The following CALD1 variants were observed in gnomAD, a reference collection of about 807,000 sequenced individuals.
CALD1 encodes caldesmon 1.
A neutral mutation model predicts 99.9 loss-of-function variants in CALD1; 33 were observed. That is an observed-to-expected ratio of 0.33 (90% CI 0.25 to 0.44). CALD1 has a LOEUF of 0.44. Ranked by LOEUF, CALD1 falls within the 20% of genes least tolerant of loss-of-function variation. CALD1 has a pLI of 1.00. For missense variants in CALD1, 861 were observed against 962.1 expected, an observed-to-expected ratio of 0.89 and a Z score of 1.39; for synonymous variants, 310 against 325.0, an observed-to-expected ratio of 0.95 and a Z score of 0.50.
chr7:134,792,404 C>T (rs1454148685), intron 1 of CALD1, among the ~76,000 whole-genome samples: 1 of 151,758 alleles, frequency 6.6e-6, no homozygotes, highest in East Asian at 1.9e-4. Flanking sequence ...ATTCTCCTGC[C>T]TTGGCCTCCC....
intron 1 of CALD1, among the ~76,000 whole-genome samples, chr7:134,797,896 T>C (rs1050191549): frequency 1.3e-5 from 2 of 152,170 alleles, no homozygotes; most frequent in Non-Finnish European, 2.9e-5. Flanking sequence ...CTGGCCAAAT[T>C]GTTTATTTGT....
At chr7:134,967,349 A>G (rs1022073634) in intron 14 of CALD1, among the ~76,000 whole-genome samples, 12 of 152,200 alleles carry the variant, frequency 7.9e-5, no homozygotes, top group African/African-American at 2.4e-4. Context: ...CTTTTGCTCC[A>G]AACTGTCAAA....
rs753308126 is a variant in CALD1, at chr7:134,941,149, A to G, written c.1444A>G (p.Met482Val). 34 of 1,612,942 alleles carry G rather than the reference A, an allele frequency of 2.1e-5. No homozygotes were observed. Among genetic ancestry groups the G allele is most frequent in the Non-Finnish European group, 2.7e-5 (32 of 1,179,322 alleles). ...KEPKEEVKSF[M>V]DRKKGFTEVK... Reference sequence around the variant, plus strand: ...ACCCAAAGAAGAAGTTAAGAGCTTCATGGATCGAAAGAAGGGATTTACAGA... The same window carrying G: ...ACCCAAAGAAGAAGTTAAGAGCTTCGTGGATCGAAAGAAGGGATTTACAGA... Residue 482 changes from methionine to valine, a missense_variant, in exon 7 of 15, where the codon ATG becomes GTG. Transcript: ENST00000361675.
intron 1 of CALD1, among the ~76,000 whole-genome samples, chr7:134,827,744 A>C (rs1799061034): frequency 6.6e-6 from 1 of 152,204 alleles, no homozygotes; most frequent in South Asian, 2.1e-4. Context: ...GGGGAAGGTG[A>C]TGGAGGGTCC....
chr7:134,823,489 G>A (rs1050121011), intron 1 of CALD1, among the ~76,000 whole-genome samples: 3 of 152,096 alleles, frequency 2.0e-5, no homozygotes, highest in Admixed American at 6.6e-5. Flanking sequence ...GCCTTTGTGT[G>A]TTCTTTTCCC....
chr7:134,959,087 T>C (rs1270617117), intron 11 of CALD1, among the ~76,000 whole-genome samples: 1 of 151,740 alleles, frequency 6.6e-6, no homozygotes, highest in South Asian at 2.1e-4. Flanking sequence ...GTGAAATAAA[T>C]ACTTGTATAA....
chr7:134,797,569 G>A (rs145909909), intron 1 of CALD1, among the ~76,000 whole-genome samples: 9 of 152,290 alleles, frequency 5.9e-5, no homozygotes, highest in African/African-American at 2.2e-4. Flanking sequence ...AGGCTTGAAC[G>A]AGCAATCATG....
At chr7:134,762,014 T>C (rs1796782811) in intron 1 of CALD1, among the ~76,000 whole-genome samples, 1 of 152,184 alleles carries the variant, frequency 6.6e-6, no homozygotes, top group South Asian at 2.1e-4. Context: ...GGAAGAAATA[T>C]GTACAGAGGC....
At chr7:134,818,801 G>A (rs1466500150) in intron 1 of CALD1, among the ~76,000 whole-genome samples, 2 of 152,168 alleles carry the variant, frequency 1.3e-5, no homozygotes, top group Non-Finnish European at 2.9e-5. Context: ...AGCTCCGAGA[G>A]GCAGCTGGAC....
At chr7:134,909,106 C>T (rs925592258) in intron 3 of CALD1, among the ~76,000 whole-genome samples, 1 of 152,162 alleles carries the variant, frequency 6.6e-6, no homozygotes, top group African/African-American at 2.4e-5. Flanking sequence ...TTAGTTAATA[C>T]ATGCCTCTTA....
chr7:134,936,341 T>C (rs1805971374), intron 6 of CALD1, among the ~76,000 whole-genome samples: 1 of 152,188 alleles, frequency 6.6e-6, no homozygotes, highest in Non-Finnish European at 1.5e-5. Context: ...TATTTGACTG[T>C]AGGTAAGTGA....
chr7:134,926,058 C>T (rs185598789), intron 3 of CALD1, among the ~76,000 whole-genome samples: 2 of 152,282 alleles, frequency 1.3e-5, no homozygotes, highest in African/African-American at 2.4e-5. Flanking sequence ...ACTTCAACTA[C>T]AATGTGATTG....
At chr7:134,857,426 G>A (rs1238203679) in intron 2 of CALD1, among the ~76,000 whole-genome samples, 1 of 151,836 alleles carries the variant, frequency 6.6e-6, no homozygotes, top group African/African-American at 2.4e-5. Context: ...CAAAGTGCTG[G>A]GATTACAAGC....
the CALD1 span, among the ~76,000 whole-genome samples, chr7:134,715,912 C>T: frequency 1.3e-5 from 2 of 152,038 alleles, no homozygotes; most frequent in African/African-American, 2.4e-5. Context: ...TAAAAATTTG[C>T]AAAATAGTTT....
intron 1 of CALD1, among the ~76,000 whole-genome samples, chr7:134,792,574 G>A (rs1797582378): frequency 6.6e-6 from 1 of 152,286 alleles, no homozygotes; most frequent in Non-Finnish European, 1.5e-5. Flanking sequence ...TTACAGGAGT[G>A]AGCCACTGAG....
chr7:134,714,877 C>A, the CALD1 span, among the ~76,000 whole-genome samples: 1 of 152,076 alleles, frequency 6.6e-6, no homozygotes, highest in African/African-American at 2.4e-5. Context: ...GCAGCTAGGG[C>A]AAGTACAGGT....
At chr7:134,819,917 GT>G (rs536730851) in intron 1 of CALD1, among the ~76,000 whole-genome samples, 255 of 152,076 alleles carry the variant, frequency 1.7e-3, no homozygotes, top group African/African-American at 5.9e-3. Context: ...CAAAACCCTG[GT>G]TTTAAGAAAA....
chr7:134,798,638 C>A (rs1797836189), intron 1 of CALD1, among the ~76,000 whole-genome samples: 1 of 152,208 alleles, frequency 6.6e-6, no homozygotes, highest in African/African-American at 2.4e-5. Context: ...AAAAACACTA[C>A]AATTTATGGA....
intron 3 of CALD1, among the ~76,000 whole-genome samples, chr7:134,880,235 T>C (rs942262558): frequency 6.6e-6 from 1 of 152,210 alleles, no homozygotes; most frequent in African/African-American, 2.4e-5. Flanking sequence ...AAAAGCTAGA[T>C]AACTCAGAGC....
Sources: gnomAD v4.1 joint callset for allele counts (sites outside exome capture counted in the v4.1 genomes callset) on GRCh38, gnomAD v4.1.1 for gene constraint, MANE v1.5 for transcripts, NCBI Gene and HGNC (gene_info 2026-07-23, HGNC 2026-07-21) for gene names.